RASEF: variants seen among roughly 807,000 people sequenced by gnomAD.
RASEF encodes ras and EF-hand domain-containing protein.
A neutral mutation model predicts 90.1 loss-of-function variants in RASEF; 68 were observed. The observed-to-expected ratio is 0.75, with a 90% confidence interval of 0.62 to 0.92. The LOEUF (loss-of-function observed/expected upper bound fraction) is 0.92. Ranked by LOEUF, RASEF falls within the 40% of genes least tolerant of loss-of-function variation. The pLI is 0.00. For missense variants in RASEF, 949 were observed against 937.2 expected (o/e 1.01, Z -0.16); for synonymous variants, 331 against 345.2 (o/e 0.96, Z 0.46).
chr9:83,013,749 A>G (rs1829292353), intron 4 of RASEF, among the ~76,000 whole-genome samples: 1 of 152,238 alleles, frequency 6.6e-6, no homozygotes, highest in Non-Finnish European at 1.5e-5. Flanking sequence ...TAAAAGTAGG[A>G]TATTTATACC....
chr9:83,069,654 T>TA, the RASEF span, among the ~76,000 whole-genome samples: 4 of 152,154 alleles, frequency 2.6e-5, no homozygotes, highest in Admixed American at 2.0e-4. Flanking sequence ...TTAAGGAACA[T>TA]ACGTTTTATT....
chr9:83,138,989 T>G, the RASEF span, among the ~76,000 whole-genome samples: 1 of 152,140 alleles, frequency 6.6e-6, no homozygotes, highest in Non-Finnish European at 1.5e-5. Context: ...AGTTTCTGCT[T>G]TGGGAGCAGG....
chr9:82,989,175 A>T (rs2118378570), intron 16 of RASEF, among the ~76,000 whole-genome samples: 1 of 152,138 alleles, frequency 6.6e-6, no homozygotes, highest in East Asian at 1.9e-4. Flanking sequence ...TTTATTAAGC[A>T]CTATAAATGC....
chr9:83,198,224 G>T, the RASEF span, among the ~76,000 whole-genome samples: 3 of 152,036 alleles, frequency 2.0e-5, no homozygotes, highest in Non-Finnish European at 4.4e-5. Flanking sequence ...AAATAAGAAG[G>T]CACCTGAAAA....
intron 3 of RASEF, among the ~76,000 whole-genome samples, chr9:83,016,365 T>A (rs1292873830): frequency 6.6e-6 from 1 of 151,852 alleles, no homozygotes; most frequent in Non-Finnish European, 1.5e-5. Flanking sequence ...GCAAAGTGCC[T>A]CCCTGTGGCC....
chr9:83,103,679 C>T, the RASEF span, among the ~76,000 whole-genome samples: 107 of 152,222 alleles, frequency 7.0e-4, 1 homozygote, highest in Non-Finnish European at 1.0e-4. Flanking sequence ...TGGAGAATTA[C>T]TATTATATAA....
chr9:83,113,699 C>T, the RASEF span, among the ~76,000 whole-genome samples: 3 of 152,150 alleles, frequency 2.0e-5, no homozygotes. Context: ...ACCCTGGTCT[C>T]CTGCAGTAGC....
chr9:83,174,811 G>C, the RASEF span, among the ~76,000 whole-genome samples: 1 of 151,910 alleles, frequency 6.6e-6, no homozygotes, highest in Non-Finnish European at 1.5e-5. Context: ...AATGTTTTCT[G>C]GTTGTAACAG....
chr9:83,127,762 A>G, the RASEF span, among the ~76,000 whole-genome samples: 4 of 152,300 alleles, frequency 2.6e-5, no homozygotes, highest in African/African-American at 4.8e-5. Flanking sequence ...ATTAACCACA[A>G]GGATATGGGA....
chr9:83,118,378 G>A, the RASEF span, among the ~76,000 whole-genome samples: 1 of 152,178 alleles, frequency 6.6e-6, no homozygotes, highest in Non-Finnish European at 1.5e-5. Context: ...TAATTAAAGA[G>A]GGATTTTGTT....
the RASEF span, among the ~76,000 whole-genome samples, chr9:83,193,747 A>C: frequency 6.6e-6 from 1 of 152,230 alleles, no homozygotes; most frequent in Non-Finnish European, 1.5e-5. Flanking sequence ...TAAATCAGGC[A>C]ATAAATGACT....
intron 1 of RASEF, among the ~76,000 whole-genome samples, chr9:83,040,388 A>G (rs1829817010): frequency 6.6e-6 from 1 of 152,246 alleles, no homozygotes; most frequent in Non-Finnish European, 1.5e-5. Flanking sequence ...TTAATAACAT[A>G]TATGTGAGTT....
chr9:83,173,723 T>G, the RASEF span, among the ~76,000 whole-genome samples: 32 of 152,076 alleles, frequency 2.1e-4, no homozygotes, highest in African/African-American at 7.7e-4. Flanking sequence ...TCTCTGTCAC[T>G]GCAGGATTTG....
intron 1 of RASEF, among the ~76,000 whole-genome samples, chr9:83,030,656 A>C (rs1829629182): frequency 6.6e-6 from 1 of 152,188 alleles, no homozygotes; most frequent in African/African-American, 2.4e-5. Context: ...CCACCACGGA[A>C]ACTCAACTAT....
At chr9:83,217,376 A>C in the RASEF span, among the ~76,000 whole-genome samples, 1 of 152,154 alleles carries the variant, frequency 6.6e-6, no homozygotes, top group Admixed American at 6.5e-5. Context: ...ATGTGAGGAC[A>C]TGAGATTTGG....
the RASEF span, among the ~76,000 whole-genome samples, chr9:83,182,219 A>G: frequency 1.3e-5 from 2 of 152,234 alleles, no homozygotes; most frequent in African/African-American, 4.8e-5. Context: ...ACACTGCTGC[A>G]TCGGGTCTGA....
At chr9:83,211,580 C>G in the RASEF span, among the ~76,000 whole-genome samples, 1 of 152,222 alleles carries the variant, frequency 6.6e-6, no homozygotes, top group African/African-American at 2.4e-5. Context: ...ACTAGCTCAT[C>G]AAAGAGTGAG....
In RASEF at chr9:83,023,237, G is replaced by A. The variant is rs144530171; in HGVS notation, c.579-811C>T. ...TCATTATTCTTATTTGTCCCCTAAA[G>A]TTCTAGAATGTAGATAAGGTTACCT... On this transcript the variant is annotated intron_variant, in intron 2 of 16. Transcript: ENST00000376447. 6.1e-3 allele frequency among the ~76,000 whole-genome samples: 928 copies of A among 152,274 alleles called. 6 individuals carry two copies. Among genetic ancestry groups the A allele is most frequent in the Middle Eastern group, 0.02 (6 of 294 alleles).
the RASEF span, among the ~76,000 whole-genome samples, chr9:83,189,646 A>G: frequency 9.9e-5 from 15 of 152,150 alleles, no homozygotes; most frequent in East Asian, 2.5e-3. Context: ...TTCATGTTTT[A>G]TTGTTGGCCA....
Sources: allele counts gnomAD v4.1 joint callset (sites outside exome capture counted in the v4.1 genomes callset), GRCh38; gene constraint gnomAD v4.1.1; transcripts MANE v1.5; gene names NCBI Gene and HGNC (gene_info 2026-07-23, HGNC 2026-07-21).